DNAAF9: variants seen among roughly 807,000 people sequenced by gnomAD.
DNAAF9 encodes shulin.
DNAAF9 carries 90 observed loss-of-function variants against 167.0 expected under a neutral mutation model. The observed-to-expected ratio is 0.54, with a 90% confidence interval of 0.45 to 0.64. DNAAF9 has a LOEUF of 0.64. DNAAF9 is among the 30% of genes least tolerant of loss of function. The probability of loss-of-function intolerance (pLI) is 0.00; values close to 1 mark genes in which losing one functional copy is unlikely to be tolerated. For synonymous variants in DNAAF9, 491 were observed against 508.8 expected (o/e 0.96, Z 0.47); for missense variants, 1,315 against 1,442.2 (o/e 0.91, Z 1.43).
At chr20:3,269,509 C>T (rs111469728) in intron 30 of DNAAF9, among the ~76,000 whole-genome samples, 5 of 152,266 alleles carry the variant, frequency 3.3e-5, no homozygotes, top group African/African-American at 9.6e-5. Context: ...CCCTTCTCTA[C>T]GTTCTCTATG....
At chr20:3,291,503 C>T (rs948490466) in intron 25 of DNAAF9, among the ~76,000 whole-genome samples, 1 of 152,058 alleles carries the variant, frequency 6.6e-6, no homozygotes, top group African/African-American at 2.4e-5. Context: ...ACCACCATGC[C>T]TGGCTAATTT....
chr20:3,382,645 G>A (rs2123247571), intron 1 of DNAAF9, 139 bp from the exon 2 acceptor site: 1 of 680,234 alleles, frequency 1.5e-6, no homozygotes, highest in South Asian at 1.6e-5. Context: ...TCTGGTTCTG[G>A]TATCAGAACC....
chr20:3,332,348 A>T lies in DNAAF9; in HGVS notation c.995T>A (p.Val332Asp). ...ACAAGCAAGAGGTCCCTTTGGTGAG[A>T]CACACTGGGCTACCTGGATGTCAGA... ...SFAKHMVAQC[V>D]SPKGPLACSR... The change falls in exon 11 of 37, where the codon GTC becomes GAC. Residue 332 changes from valine to aspartate, a missense_variant. By Grantham distance (152) the Val-to-Asp change is radical. Transcript: ENST00000252032. The T allele has an allele frequency of 6.3e-7, 1 of 1,599,488 alleles. No homozygotes were observed.
At chr20:3,305,192 G>A (rs2069269100) in intron 20 of DNAAF9, among the ~76,000 whole-genome samples, 1 of 152,210 alleles carries the variant, frequency 6.6e-6, no homozygotes, top group Admixed American at 6.5e-5. Context: ...AAGGTCATAT[G>A]GAGCAGCTCA....
intron 12 of DNAAF9, among the ~76,000 whole-genome samples, chr20:3,326,820 G>C (rs1243601561): frequency 6.6e-6 from 1 of 151,496 alleles, no homozygotes; most frequent in African/African-American, 2.4e-5. Context: ...CTTAAGGAAA[G>C]TCGGCTCCTC....
intron 1 of DNAAF9, among the ~76,000 whole-genome samples, chr20:3,401,756 T>C (rs1368105591): frequency 1.3e-5 from 2 of 152,296 alleles, no homozygotes; most frequent in East Asian, 3.9e-4. Context: ...CCCTGATACT[T>C]TCCAGGGGTG....
intron 7 of DNAAF9, among the ~76,000 whole-genome samples, chr20:3,349,498 C>T (rs1408057341): frequency 1.3e-5 from 2 of 152,152 alleles, no homozygotes; most frequent in Admixed American, 6.5e-5. Context: ...CCAAAAGGGT[C>T]ACATCTGAGC....
At chr20:3,293,292 C>CAAAAAAAAAA (rs1172725572) in intron 25 of DNAAF9, among the ~76,000 whole-genome samples, 3 of 22,870 alleles carry the variant, frequency 1.3e-4, no homozygotes, top group Non-Finnish European at 1.5e-4. Flanking sequence ...GACTCCGTCT[C>CAAAAAAAAAA]AAAAAAAAAA....
At chr20:3,349,688 G>C (rs2123141651) in intron 7 of DNAAF9, among the ~76,000 whole-genome samples, 1 of 152,130 alleles carries the variant, frequency 6.6e-6, no homozygotes, top group East Asian at 1.9e-4. Flanking sequence ...CATCCTTTCT[G>C]AACTCATTCT....
chr20:3,368,500 C>T (rs1163107988), intron 6 of DNAAF9, among the ~76,000 whole-genome samples: 4 of 145,496 alleles, frequency 2.7e-5, no homozygotes, highest in African/African-American at 1.0e-4. Context: ...AACTTACTGA[C>T]CAACTTCCTG....
chr20:3,317,250 A>G (rs955367673), intron 17 of DNAAF9, among the ~76,000 whole-genome samples: 5 of 151,030 alleles, frequency 3.3e-5, no homozygotes, highest in African/African-American at 4.9e-5. Context: ...GGTCCCTGCT[A>G]CTTGGGAGGC....
intron 6 of DNAAF9, among the ~76,000 whole-genome samples, chr20:3,360,413 G>C (rs757202744): frequency 1.5e-4 from 23 of 152,110 alleles, no homozygotes; most frequent in Non-Finnish European, 8.8e-5. Flanking sequence ...CACTGTGCCT[G>C]GCCCCCAAAC....
chr20:3,321,362 C>T (rs1397564953), intron 16 of DNAAF9, among the ~76,000 whole-genome samples: 2 of 152,122 alleles, frequency 1.3e-5, no homozygotes, highest in East Asian at 1.9e-4. Flanking sequence ...GCTACAAACC[C>T]GTACAGCATG....
At position 3,255,246 on chromosome 20, in the gene DNAAF9, C is replaced by G. The variant is rs2068257755; in HGVS notation, c.3300G>C (p.Leu1100=). The change falls in exon 35 of 37, where the codon CTG becomes CTC. Residue 1100 remains leucine, a synonymous_variant. Coordinates refer to ENST00000252032, the MANE Select transcript of DNAAF9 (RefSeq NM_001009984.3). The part of the protein sequence containing the change: ...QRKALKTRGM[L]TQQEIRSIHV... ...GGATGCTCCTGATCTCCTGTTGCGT[C>G]AGCATCCCCCTGGTCTTCAGGGCTT... 1 of 1,551,034 alleles carries G rather than the reference C, an allele frequency of 6.4e-7. No homozygotes were observed. The highest frequency in any genetic ancestry group is 1.4e-5 in the African/African-American group (1 of 73,020).
intron 6 of DNAAF9, among the ~76,000 whole-genome samples, chr20:3,361,371 G>C (rs544997556): frequency 0.062 from 9,419 of 152,070 alleles, 367 homozygotes; most frequent in Non-Finnish European, 0.082. Flanking sequence ...CTTAAACCAG[G>C]GGTGCAGGCA....
chr20:3,266,404 T>C (rs184318006), intron 30 of DNAAF9, among the ~76,000 whole-genome samples: 93 of 152,340 alleles, frequency 6.1e-4, no homozygotes, highest in African/African-American at 2.0e-3. Context: ...TTAGCATTCA[T>C]TGATCGTTCC....
intron 6 of DNAAF9, among the ~76,000 whole-genome samples, chr20:3,365,496 A>G (rs887759049): frequency 3.9e-5 from 6 of 152,062 alleles, no homozygotes; most frequent in Admixed American, 3.3e-4. Flanking sequence ...GGTTCAAGCG[A>G]TTCTCTTGCC....
At chr20:3,339,233 T>C (rs151268519) in intron 10 of DNAAF9, among the ~76,000 whole-genome samples, 5 of 152,356 alleles carry the variant, frequency 3.3e-5, no homozygotes, top group African/African-American at 4.8e-5. Flanking sequence ...ACATTAATCA[T>C]AGTCATTTTT....
In DNAAF9 at chr20:3,328,869, CTTTT is replaced by C. The variant is rs572740669; in HGVS notation, c.1100+1773_1100+1776del. ...ACGTATACACACACACACAATTTTC[CTTTT>C]TTTTTTTTTTTTTTGAGATAGAGTC... On this transcript the variant is annotated intron_variant, in intron 12 of 36. Coordinates refer to ENST00000252032, the MANE Select transcript of DNAAF9 (RefSeq NM_001009984.3). Among the ~76,000 whole-genome samples, 13 of 136,810 alleles carry C rather than the reference CTTTT, an allele frequency of 9.5e-5. No individual in the cohort carries two copies. The South Asian group carries it at 1.2e-3, about 12-fold the overall frequency. 89.8% of individuals were successfully genotyped at this position (136,810 alleles called of 152,430 possible).
Sources: gnomAD v4.1 joint callset for allele counts (sites outside exome capture counted in the v4.1 genomes callset) on GRCh38, gnomAD v4.1.1 for gene constraint, MANE v1.5 for transcripts, NCBI Gene and HGNC (gene_info 2026-07-23, HGNC 2026-07-21) for gene names.